CCDC141: variants seen among roughly 807,000 people sequenced by gnomAD.
CCDC141 encodes the protein coiled-coil domain containing 141, also known as coiled-coil domain-containing protein 141.
CCDC141 carries 168 observed loss-of-function variants against 181.0 expected under a neutral mutation model. The ratio of observed to expected loss-of-function variants is 0.93; its 90% CI spans 0.82 to 1.05. The LOEUF (loss-of-function observed/expected upper bound fraction) is 1.05, where lower values mean the gene tolerates loss of function less well. Ranked by LOEUF, CCDC141 falls within the 50% of genes least tolerant of loss-of-function variation. The pLI is 0.00. For synonymous variants in CCDC141, 666 were observed against 642.3 expected (o/e 1.04, Z -0.56); for missense variants, 1,902 against 1,788.5 (o/e 1.06, Z -1.14).
At chr2:178,887,781 C>A (rs1686956072) in intron 9 of CCDC141, among the ~76,000 whole-genome samples, 1 of 152,206 alleles carries the variant, frequency 6.6e-6, no homozygotes, top group African/African-American at 2.4e-5. Flanking sequence ...TAAGTTCAGG[C>A]ATATAAGTCC....
chr2:178,999,779 C>A (rs2041901952), intron 2 of CCDC141, among the ~76,000 whole-genome samples: 1 of 151,956 alleles, frequency 6.6e-6, no homozygotes, highest in African/African-American at 2.4e-5. Context: ...CCGTGACTCA[C>A]CTATCCTTGA....
chr2:178,861,374 G>A (rs13402763), intron 17 of CCDC141, among the ~76,000 whole-genome samples: 4,288 of 152,104 alleles, frequency 0.028, 242 homozygotes, highest in South Asian at 0.14. Context: ...AGTGGCTCAC[G>A]CCTGTAATCC....
At chr2:179,000,068 A>G (rs1261983327) in intron 2 of CCDC141, among the ~76,000 whole-genome samples, 2 of 150,360 alleles carry the variant, frequency 1.3e-5, no homozygotes, top group Non-Finnish European at 3.0e-5. Context: ...ACACACACAC[A>G]CACACACACA....
chr2:178,868,169 C>T lies in CCDC141; in HGVS notation c.2431G>A (p.Val811Ile), dbSNP rs777274990. The T allele has an allele frequency of 1.9e-6, 3 of 1,613,812 alleles. No individual in the cohort carries two copies. Among genetic ancestry groups the T allele is most frequent in the Non-Finnish European group, 2.5e-6 (3 of 1,179,742 alleles). Residue 811 changes from valine to isoleucine, a missense_variant, in exon 16 of 24, where the codon GTA (valine) becomes ATA (isoleucine). Coordinates refer to ENST00000443758, the MANE Select transcript of CCDC141 (RefSeq NM_173648.4). The stretch of plus-strand genomic sequence containing the variant: ...TCACCCAGTTCCTTCGGCTGCTCTA[C>T]AAACTCCAGCTCTCTTGATTTGATG... Reference protein sequence around the residue: ...RLIKSRELEFVEQPKELGDAH... With the variant: ...RLIKSRELEFIEQPKELGDAH...
intron 4 of CCDC141, among the ~76,000 whole-genome samples, chr2:178,967,263 A>G (rs1690681272): frequency 6.6e-6 from 1 of 152,172 alleles, no homozygotes; most frequent in Non-Finnish European, 1.5e-5. Context: ...CACCACAAAG[A>G]TATTCCTCGA....
At chr2:178,941,875 G>A (rs1363049233) in intron 6 of CCDC141, among the ~76,000 whole-genome samples, 3 of 147,176 alleles carry the variant, frequency 2.0e-5, no homozygotes, top group Admixed American at 6.9e-5. Context: ...TGGGAGAATC[G>A]CTTGAGCCCA....
chr2:178,856,473 C>G, intron 17 of CCDC141, 76 bp from the exon 18 acceptor site: 1 of 1,103,890 alleles, frequency 9.1e-7, no homozygotes, highest in Non-Finnish European at 1.3e-6. Context: ...ATCAAAGCAT[C>G]TGAACACTTC....
chr2:178,860,966 T>C (rs1382498373), intron 17 of CCDC141, among the ~76,000 whole-genome samples: 1 of 152,160 alleles, frequency 6.6e-6, no homozygotes. Flanking sequence ...CCACAGTCAT[T>C]TTGCAGATGT....
In CCDC141 at chr2:179,008,465, A is replaced by G. The variant is rs2042173790; in HGVS notation, c.226-29790T>C. ...AAGACCTCTGAAGCCAATCCTTCCT[A>G]TTCTCCCTCTACAACTTGATGTGCT... On this transcript the variant is annotated intron_variant, in intron 2 of 23. Coordinates refer to ENST00000443758, the MANE Select transcript of CCDC141 (RefSeq NM_173648.4). 1.3e-5 allele frequency among the ~76,000 whole-genome samples: 2 copies of G among 152,044 alleles called. 1 individual carries two copies. Among genetic ancestry groups the G allele is most frequent in the South Asian group, 4.2e-4 (2 of 4,808 alleles).
intron 19 of CCDC141, among the ~76,000 whole-genome samples, chr2:178,854,276 GC>G (rs1487599412): frequency 1.3e-5 from 2 of 152,228 alleles, no homozygotes; most frequent in African/African-American, 4.8e-5. Context: ...TGTAATCCCA[GC>G]ACTTTGGGAG....
chr2:178,821,386 C>T, the CCDC141 span, among the ~76,000 whole-genome samples: 1 of 152,190 alleles, frequency 6.6e-6, no homozygotes, highest in Non-Finnish European at 1.5e-5. Flanking sequence ...AAATTTTGTT[C>T]TAAACCTTGA....
At chr2:178,849,603 G>A (rs1201818465) in intron 21 of CCDC141, among the ~76,000 whole-genome samples, 3 of 152,100 alleles carry the variant, frequency 2.0e-5, no homozygotes, top group Non-Finnish European at 4.4e-5. Context: ...ATCATGATTA[G>A]TTTACTATTT....
intron 2 of CCDC141, among the ~76,000 whole-genome samples, chr2:179,007,821 T>C (rs2042157747): frequency 6.6e-6 from 1 of 152,244 alleles, no homozygotes; most frequent in Non-Finnish European, 1.5e-5. Context: ...AAGTTTGGCT[T>C]CAAATGATTT....
intron 7 of CCDC141, among the ~76,000 whole-genome samples, chr2:178,917,278 C>T (rs556326586): frequency 2.0e-5 from 3 of 152,322 alleles, no homozygotes. Flanking sequence ...TAGCACCTAA[C>T]ATCTAATTAG....
At chr2:178,901,810 T>A (rs913014268) in intron 8 of CCDC141, among the ~76,000 whole-genome samples, 8 of 151,768 alleles carry the variant, frequency 5.3e-5, no homozygotes, top group African/African-American at 7.3e-5. Flanking sequence ...AAAGAGGAGG[T>A]CAAATTGTCC....
the CCDC141 span, chr2:178,817,777 C>CCCTT: frequency 2.7e-4 from 72 of 267,026 alleles, no homozygotes; most frequent in East Asian, 1.1e-3. Context: ...TCTCCCTCCT[C>CCCTT]CCTTCCTTCC....
chr2:178,882,601 T>C (rs1686677419), intron 11 of CCDC141, among the ~76,000 whole-genome samples: 1 of 151,890 alleles, frequency 6.6e-6, no homozygotes, highest in Non-Finnish European at 1.5e-5. Flanking sequence ...TTCAGGGACG[T>C]ATGAGTTAAG....
chr2:178,962,870 A>G (rs1690467867), intron 4 of CCDC141, among the ~76,000 whole-genome samples: 1 of 151,962 alleles, frequency 6.6e-6, no homozygotes, highest in Non-Finnish European at 1.5e-5. Context: ...CTCTCTCCTG[A>G]CCCTGAACTT....
At chr2:178,987,058 C>T (rs1452696071) in intron 2 of CCDC141, among the ~76,000 whole-genome samples, 1 of 150,814 alleles carries the variant, frequency 6.6e-6, no homozygotes. Context: ...CACTACCTGA[C>T]TTCAAACTAT....
Sources: gnomAD v4.1 joint callset for allele counts (sites outside exome capture counted in the v4.1 genomes callset) on GRCh38, gnomAD v4.1.1 for gene constraint, MANE v1.5 for transcripts, NCBI Gene and HGNC (gene_info 2026-07-23, HGNC 2026-07-21) for gene names.